SP6: variants seen among roughly 807,000 people sequenced by gnomAD.
SP6 encodes Sp6 transcription factor, also known as transcription factor Sp6.
A neutral mutation model predicts 23.4 loss-of-function variants in SP6; 10 were observed. The observed-to-expected ratio is 0.43, with a 90% CI of 0.26 to 0.72. The LOEUF (loss-of-function observed/expected upper bound fraction) is 0.72. Ranked by LOEUF, SP6 falls within the 30% of genes least tolerant of loss-of-function variation. The pLI, the probability that SP6 is intolerant of heterozygous loss-of-function variation, is 0.23. For synonymous variants in SP6, 238 were observed against 238.7 expected (o/e 1.00, Z 0.03); for missense variants, 482 against 523.8 (o/e 0.92, Z 0.78).
upstream of SP6, among the ~76,000 whole-genome samples, chr17:47,853,959 G>A (rs55642547): frequency 0.34 from 51,512 of 151,818 alleles, 9,501 homozygotes; most frequent in Non-Finnish European, 0.41. Flanking sequence ...GAATGACGGC[G>A]CATGGTCTGA....
chr17:47,858,901 A>G (rs1030377096), upstream of SP6, among the ~76,000 whole-genome samples: 1 of 149,582 alleles, frequency 6.7e-6, no homozygotes, highest in African/African-American at 2.5e-5. Flanking sequence ...CAACCTCCCA[A>G]GTAACCGGGA....
In SP6 at chr17:47,847,942, G is replaced by T; in HGVS notation, c.488C>A (p.Ala163Asp). ...GTGCGCATGCGGGTGGGGTGGCGGG[G>T]CACAAAGCTGGTGGTCTCCGACGTA... ...GGYVGDHQLCAPPPHPHAHHL... is the reference protein window; with the variant it reads ...GGYVGDHQLCDPPPHPHAHHL... The change falls in exon 2 of 2, where the codon GCC becomes GAC. Residue 163 changes from alanine (A) to aspartate (D), a missense_variant. Coordinates refer to ENST00000536300, the MANE Select transcript of SP6 (RefSeq NM_001258248.2). 6.4e-7 allele frequency: 1 copy of T among 1,568,748 alleles called. No individual in the cohort carries two copies. The highest frequency in any genetic ancestry group is 8.6e-7 in the Non-Finnish European group (1 of 1,156,998).
intron 1 of SP6, among the ~76,000 whole-genome samples, 187 bp downstream of exon 1, chr17:47,850,732 C>G (rs1291917859): frequency 6.6e-6 from 1 of 152,242 alleles, no homozygotes; most frequent in African/African-American, 2.4e-5. Context: ...CCCCGGTTTC[C>G]AGCCTCCTCG....
At chr17:47,858,439 C>T (rs535231018), upstream of SP6, among the ~76,000 whole-genome samples, 2 of 152,250 alleles carry the variant, frequency 1.3e-5, no homozygotes, top group African/African-American at 4.8e-5. Context: ...CTACTGGATT[C>T]GCTTAGGCTG....
chr17:47,858,503 T>C (rs1267997500), upstream of SP6, among the ~76,000 whole-genome samples: 1 of 152,198 alleles, frequency 6.6e-6, no homozygotes, highest in African/African-American at 2.4e-5. Flanking sequence ...GGTGAGAGTT[T>C]ACCTTCATCT....
chr17:47,875,029 C>T, the SP6 span, among the ~76,000 whole-genome samples: 19 of 152,106 alleles, frequency 1.2e-4, no homozygotes, highest in African/African-American at 3.4e-4. Flanking sequence ...CCCCCTTTTC[C>T]GGGCCCCTGC....
the SP6 span, among the ~76,000 whole-genome samples, chr17:47,871,925 G>A: frequency 2.0e-5 from 3 of 152,112 alleles, no homozygotes; most frequent in Non-Finnish European, 4.4e-5. Context: ...CCGGCCTCTG[G>A]TCTGTTTCTT....
chr17:47,865,357 C>T, the SP6 span, among the ~76,000 whole-genome samples: 47 of 152,084 alleles, frequency 3.1e-4, no homozygotes, highest in Admixed American at 1.2e-3. Context: ...AGGAGTGAAA[C>T]GGCGCCGTGT....
rs778017166 is a variant in SP6 at position 47,847,788 on chromosome 17, G to C, written c.642C>G (p.Gly214=). 1 of 1,544,312 alleles carries C rather than the reference G, an allele frequency of 6.5e-7. No homozygotes were observed. The highest frequency in any genetic ancestry group is 2.3e-5 in the East Asian group (1 of 44,282). The part of the protein sequence containing the change: ...SSLDGAARPK[G]SRRSVPRSSG... ...AGCTGCGGGGCACCGACCGCCGGGA[G>C]CCTTTGGGACGCGCCGCCCCGTCCA... The change falls in exon 2 of 2, where the codon GGC becomes GGG. Residue 214 remains glycine, a synonymous_variant. Transcript: ENST00000536300.
At chr17:47,864,517 T>C in the SP6 span, 1 of 149,888 alleles carries the variant, frequency 6.7e-6, no homozygotes, top group African/African-American at 2.5e-5. Flanking sequence ...GATCCTCCCA[T>C]ATTGGCCTCC....
At chr17:47,854,239 G>C (rs542160905), upstream of SP6, among the ~76,000 whole-genome samples, 2 of 152,166 alleles carry the variant, frequency 1.3e-5, no homozygotes, top group Admixed American at 1.3e-4. Flanking sequence ...ATTAGTCTGC[G>C]TGTTTATCAC....
chr17:47,856,114 C>A (rs1387533325), upstream of SP6, among the ~76,000 whole-genome samples: 2 of 152,136 alleles, frequency 1.3e-5, no homozygotes, highest in Admixed American at 6.5e-5. Context: ...ATTTTTGAGA[C>A]CTGAAGGGCT....
chr17:47,863,431 G>A, the SP6 span: 1 of 152,012 alleles, frequency 6.6e-6, no homozygotes, highest in Non-Finnish European at 1.5e-5. Flanking sequence ...TAAGTTTGTT[G>A]AATAAGTTAA....
rs1210178254 is a variant in SP6 at position 47,847,029 on chromosome 17, C to A, written c.*270G>T. 6.3e-6 allele frequency: 3 copies of A among 473,012 alleles called. No individual in the cohort carries two copies. Among genetic ancestry groups the A allele is most frequent in the Non-Finnish European group, 1.1e-5 (3 of 268,178 alleles). The allele number at this position is 473,012 out of a possible 1,614,324, so 29.3% of individuals were successfully genotyped here. On this transcript the variant is annotated 3_prime_UTR_variant, in exon 2 of 2. Coordinates refer to ENST00000536300, the MANE Select transcript of SP6 (RefSeq NM_001258248.2). ...CGGTACGGGTGTCCCACCCCAACCC[C>A]CCAGCCCAGGGGCGAGGGAAACTGT...
chr17:47,857,604 C>T (rs1232075705), upstream of SP6, among the ~76,000 whole-genome samples: 2 of 152,142 alleles, frequency 1.3e-5, no homozygotes, highest in Non-Finnish European at 2.9e-5. Context: ...TGTTTAGACC[C>T]TGCCTGGACA....
chr17:47,846,870 T>G lies in SP6; in HGVS notation c.*429A>C, dbSNP rs2143645158. The G allele has an allele frequency of 6.1e-6, 1 of 163,292 alleles. No homozygotes were observed. The highest frequency in any genetic ancestry group is 1.7e-4 in the East Asian group (1 of 5,834). 10.1% of individuals were successfully genotyped at this position (163,292 alleles called of 1,614,324 possible). A position where few individuals can be genotyped will look rare whatever the true frequency, so the allele number is the denominator to read the frequency against. ...CGCCGCAGGGCGGCTCCGGAGGCGC[T>G]TTTATGTCCTGGTTCCCAGGCGCTA... is the stretch of plus-strand genomic sequence containing the variant. On this transcript the variant is annotated 3_prime_UTR_variant, in exon 2 of 2. Coordinates refer to ENST00000536300, the MANE Select transcript of SP6 (RefSeq NM_001258248.2).
the SP6 span, among the ~76,000 whole-genome samples, chr17:47,872,568 C>A: frequency 6.6e-6 from 1 of 152,196 alleles, no homozygotes; most frequent in Non-Finnish European, 1.5e-5. Flanking sequence ...AGCACGTCCC[C>A]ACAAATGAGA....
the SP6 span, among the ~76,000 whole-genome samples, chr17:47,871,639 A>G: frequency 4.7e-5 from 7 of 149,260 alleles, no homozygotes; most frequent in Middle Eastern, 3.4e-3. Flanking sequence ...TTTTTTTTGA[A>G]ACAGAGTTTT....
At chr17:47,863,076 C>T in the SP6 span, among the ~76,000 whole-genome samples, 2 of 152,290 alleles carry the variant, frequency 1.3e-5, no homozygotes, top group Non-Finnish European at 2.9e-5. Context: ...TGGTGTCTGC[C>T]TGCTCTCTGC....
Sources: allele counts gnomAD v4.1 joint callset (sites outside exome capture counted in the v4.1 genomes callset), GRCh38; gene constraint gnomAD v4.1.1; transcripts MANE v1.5; gene names NCBI Gene and HGNC (gene_info 2026-07-23, HGNC 2026-07-21).